ZFAND3: variants seen among roughly 807,000 people sequenced by gnomAD.
The protein encoded by ZFAND3 is AN1-type zinc finger protein 3.
ZFAND3 carries 10 observed loss-of-function variants against 29.6 expected under a neutral mutation model. The observed-to-expected ratio is 0.34, with a 90% CI of 0.21 to 0.57. The LOEUF (loss-of-function observed/expected upper bound fraction) is 0.57. ZFAND3 is among the 20% of genes least tolerant of loss of function. The pLI, the probability that ZFAND3 is intolerant of heterozygous loss-of-function variation, is 0.86. For synonymous variants in ZFAND3, 128 were observed against 112.6 expected, an observed-to-expected ratio of 1.14 and a Z score of -0.87; for missense variants, 230 against 304.5, an observed-to-expected ratio of 0.76 and a Z score of 1.82.
intron 2 of ZFAND3, among the ~76,000 whole-genome samples, chr6:37,982,629 A>G (rs1762599121): frequency 6.6e-6 from 1 of 152,198 alleles, no homozygotes; most frequent in African/African-American, 2.4e-5. Flanking sequence ...CAGTTGTATA[A>G]AAGTATAGCC....
At chr6:37,957,939 A>G (rs1422015293) in intron 2 of ZFAND3, among the ~76,000 whole-genome samples, 4 of 152,188 alleles carry the variant, frequency 2.6e-5, no homozygotes, top group Admixed American at 2.6e-4. Flanking sequence ...GTTTGACTAT[A>G]TTTAATCCAA....
chr6:37,881,528 C>G (rs1179271778), intron 1 of ZFAND3, among the ~76,000 whole-genome samples: 1 of 152,188 alleles, frequency 6.6e-6, no homozygotes, highest in African/African-American at 2.4e-5. Context: ...GGAGGGGAAG[C>G]TGTTAGCTCT....
At chr6:38,131,338 G>A (rs986142115) in intron 5 of ZFAND3, among the ~76,000 whole-genome samples, 15 of 152,086 alleles carry the variant, frequency 9.9e-5, no homozygotes, top group Non-Finnish European at 8.8e-5. Context: ...TTCTGGGTTT[G>A]TGATTCCCCT....
chr6:37,952,277 G>A (rs1411917156), intron 2 of ZFAND3, among the ~76,000 whole-genome samples: 3 of 152,080 alleles, frequency 2.0e-5, no homozygotes, highest in Non-Finnish European at 4.4e-5. Flanking sequence ...AGTATGATTG[G>A]TACCAGCTAT....
intron 1 of ZFAND3, among the ~76,000 whole-genome samples, chr6:37,916,706 C>G (rs1431470131): frequency 6.6e-6 from 1 of 152,058 alleles, no homozygotes; most frequent in Non-Finnish European, 1.5e-5. Context: ...CAGTGGTCTC[C>G]CTTTATCCAT....
chr6:37,999,759 TGTG>T (rs1010692581), intron 2 of ZFAND3, among the ~76,000 whole-genome samples: 13 of 152,274 alleles, frequency 8.5e-5, no homozygotes, highest in African/African-American at 2.9e-4. Flanking sequence ...CTAAATCTAA[TGTG>T]GTGTCCTGGA....
chr6:38,053,043 A>AG (rs1054926077), intron 2 of ZFAND3, among the ~76,000 whole-genome samples: 7 of 150,712 alleles, frequency 4.6e-5, no homozygotes, highest in Admixed American at 1.3e-4. Flanking sequence ...CGAAAAAAAA[A>AG]AAAAAGAAAA....
At chr6:37,920,182 T>G (rs998329745) in intron 1 of ZFAND3, among the ~76,000 whole-genome samples, 2 of 151,382 alleles carry the variant, frequency 1.3e-5, no homozygotes, top group Non-Finnish European at 2.9e-5. Context: ...GAAGAAAACC[T>G]TATCTTATGT....
intron 2 of ZFAND3, among the ~76,000 whole-genome samples, chr6:37,984,634 A>G (rs927006133): frequency 1.3e-5 from 2 of 152,272 alleles, no homozygotes; most frequent in Non-Finnish European, 2.9e-5. Flanking sequence ...TAGTTGGCAG[A>G]AACTTTTGTC....
chr6:37,830,219 A>G (rs1763835401), intron 1 of ZFAND3, among the ~76,000 whole-genome samples: 1 of 152,166 alleles, frequency 6.6e-6, no homozygotes, highest in South Asian at 2.1e-4. Flanking sequence ...TGGAAGGGAA[A>G]GGACACAGAA....
chr6:37,934,178 G>A (rs1761651105), intron 2 of ZFAND3, among the ~76,000 whole-genome samples: 1 of 149,912 alleles, frequency 6.7e-6, no homozygotes, highest in Non-Finnish European at 1.5e-5. Flanking sequence ...GTAAGCCACT[G>A]CGCCCGGCCC....
At chr6:38,008,481 A>C (rs2127442586) in intron 2 of ZFAND3, among the ~76,000 whole-genome samples, 1 of 152,296 alleles carries the variant, frequency 6.6e-6, no homozygotes, top group Admixed American at 6.5e-5. Context: ...AATGGAAACA[A>C]AAGTTGGAAT....
At chr6:38,041,452 C>T (rs1040689203) in intron 2 of ZFAND3, among the ~76,000 whole-genome samples, 1 of 151,896 alleles carries the variant, frequency 6.6e-6, no homozygotes, top group East Asian at 1.9e-4. Context: ...TCTTCTCCCT[C>T]ATTCTTAAAT....
chr6:38,098,424 A>G (rs1029461457), intron 4 of ZFAND3, among the ~76,000 whole-genome samples: 1 of 152,192 alleles, frequency 6.6e-6, no homozygotes, highest in Non-Finnish European at 1.5e-5. Flanking sequence ...TTGTGGGATT[A>G]CAGGCATGAG....
rs10456460 is a variant in ZFAND3, at chr6:38,144,184, A to T, written c.530-8051A>T. On this transcript the variant is annotated intron_variant, in intron 5 of 5. Coordinates refer to ENST00000287218, the MANE Select transcript of ZFAND3 (RefSeq NM_021943.3). ...CTAGAAAAATGTGATATATATATAT[A>T]ATATATATATATATATATATATATA... is the stretch of plus-strand genomic sequence containing the variant. Among the ~76,000 whole-genome samples, 40 of 42,550 alleles carry T rather than the reference A, an allele frequency of 9.4e-4. 1 individual carries two copies. Among genetic ancestry groups the T allele is most frequent in the Non-Finnish European group, 7.9e-4 (16 of 20,368 alleles). 27.9% of individuals were successfully genotyped at this position (42,550 alleles called of 152,430 possible).
intron 5 of ZFAND3, among the ~76,000 whole-genome samples, chr6:38,124,342 T>A (rs940426250): frequency 1.3e-5 from 2 of 152,186 alleles, no homozygotes; most frequent in Non-Finnish European, 2.9e-5. Context: ...CCTCAGCCCT[T>A]GGGCAGTTGA....
chr6:37,977,961 T>G (rs1243852952), intron 2 of ZFAND3, among the ~76,000 whole-genome samples: 1 of 144,720 alleles, frequency 6.9e-6, no homozygotes, highest in Non-Finnish European at 1.5e-5. Context: ...TTCTTCCTTC[T>G]CACTCTGTCT....
chr6:38,151,363 C>G (rs762655432), intron 5 of ZFAND3, among the ~76,000 whole-genome samples: 2 of 152,226 alleles, frequency 1.3e-5, no homozygotes, highest in Non-Finnish European at 2.9e-5. Context: ...TCCTGCGCTT[C>G]TGGGAGGGAA....
chr6:37,916,226 A>G (rs978817553), intron 1 of ZFAND3, among the ~76,000 whole-genome samples: 5 of 152,208 alleles, frequency 3.3e-5, no homozygotes, highest in Non-Finnish European at 7.3e-5. Context: ...AAATATTGCA[A>G]ACCTTATCAA....
Sources: allele counts gnomAD v4.1 joint callset (sites outside exome capture counted in the v4.1 genomes callset), GRCh38; gene constraint gnomAD v4.1.1; transcripts MANE v1.5; gene names NCBI Gene and HGNC (gene_info 2026-07-23, HGNC 2026-07-21).